CTNNA3: variants seen among roughly 807,000 people sequenced by gnomAD.
The protein encoded by CTNNA3 is catenin alpha 3, also known as catenin alpha-3.
CTNNA3 carries 76 observed loss-of-function variants against 95.7 expected under a neutral mutation model. The observed-to-expected ratio is 0.79, with a 90% CI of 0.66 to 0.96. CTNNA3 has a LOEUF of 0.96. CTNNA3 is among the 40% of genes least tolerant of loss of function. The pLI is 0.00. For synonymous variants in CTNNA3, 431 were observed against 374.4 expected (o/e 1.15, Z -1.74); for missense variants, 1,191 against 1,089.8 (o/e 1.09, Z -1.31).
intron 2 of CTNNA3, among the ~76,000 whole-genome samples, chr10:67,627,772 T>C (rs964163362): frequency 2.0e-5 from 3 of 151,934 alleles, no homozygotes; most frequent in Admixed American, 2.0e-4. Flanking sequence ...CAAACACTGA[T>C]ATAAAACAGT....
intron 12 of CTNNA3, among the ~76,000 whole-genome samples, chr10:66,325,910 GAGA>G (rs1332263102): frequency 1.3e-5 from 2 of 152,038 alleles, no homozygotes; most frequent in African/African-American, 2.4e-5. Context: ...TATTTCATTC[GAGA>G]AGAAGGATTT....
At chr10:67,020,875 G>T (rs1852965690) in intron 7 of CTNNA3, among the ~76,000 whole-genome samples, 1 of 152,132 alleles carries the variant, frequency 6.6e-6, no homozygotes, top group Admixed American at 6.6e-5. Flanking sequence ...ATGCATGGAA[G>T]AGGAAAATAA....
chr10:67,113,301 T>C (rs1410341580), intron 7 of CTNNA3, among the ~76,000 whole-genome samples: 1 of 152,176 alleles, frequency 6.6e-6, no homozygotes, highest in African/African-American at 2.4e-5. Flanking sequence ...TTTTTCTTCC[T>C]AACATCATGC....
At chr10:66,763,591 C>T (rs1378582850) in intron 9 of CTNNA3, among the ~76,000 whole-genome samples, 1 of 152,080 alleles carries the variant, frequency 6.6e-6, no homozygotes, top group Non-Finnish European at 1.5e-5. Context: ...GAGTAGTGAC[C>T]ACAAATACTT....
At chr10:66,440,293 A>C (rs1463397455) in intron 11 of CTNNA3, among the ~76,000 whole-genome samples, 1 of 152,140 alleles carries the variant, frequency 6.6e-6, no homozygotes, top group Admixed American at 6.5e-5. Context: ...TATTTATATA[A>C]ATCAGGGCAT....
At chr10:67,697,857 C>T (rs1026565038), upstream of CTNNA3, among the ~76,000 whole-genome samples, 1 of 152,096 alleles carries the variant, frequency 6.6e-6, no homozygotes, top group Non-Finnish European at 1.5e-5. Context: ...ATTCAAATCA[C>T]GTTGGATTTG....
chr10:66,247,174 C>T (rs2090366752), intron 13 of CTNNA3, among the ~76,000 whole-genome samples: 1 of 152,074 alleles, frequency 6.6e-6, no homozygotes, highest in Admixed American at 6.5e-5. Flanking sequence ...TAGAAAGTAG[C>T]CTCCAAAGGC....
chr10:67,475,210 G>T (rs2133038129), intron 5 of CTNNA3, among the ~76,000 whole-genome samples: 1 of 152,254 alleles, frequency 6.6e-6, no homozygotes, highest in African/African-American at 2.4e-5. Flanking sequence ...GTAACATTCT[G>T]AAAAAAGACA....
At chr10:66,129,659 A>C (rs1385809509) in intron 13 of CTNNA3, among the ~76,000 whole-genome samples, 4 of 152,012 alleles carry the variant, frequency 2.6e-5, no homozygotes, top group Non-Finnish European at 5.9e-5. Flanking sequence ...GCCTGCTTGC[A>C]GTGCAGCCCC....
intron 11 of CTNNA3, among the ~76,000 whole-genome samples, chr10:66,380,943 C>A (rs2092833718): frequency 6.6e-6 from 1 of 151,818 alleles, no homozygotes; most frequent in African/African-American, 2.4e-5. Flanking sequence ...GACTCCCACA[C>A]AATAATAATG....
intron 7 of CTNNA3, among the ~76,000 whole-genome samples, chr10:66,797,113 C>T (rs890979950): frequency 7.3e-5 from 11 of 151,238 alleles, no homozygotes; most frequent in African/African-American, 2.7e-4. Context: ...AAAGAGAAGT[C>T]GATTTGTTGA....
At chr10:67,597,239 C>T (rs1842958645) in intron 3 of CTNNA3, among the ~76,000 whole-genome samples, 1 of 152,164 alleles carries the variant, frequency 6.6e-6, no homozygotes, top group South Asian at 2.1e-4. Flanking sequence ...TCTTGCCATC[C>T]AAATTCTGAA....
intron 14 of CTNNA3, among the ~76,000 whole-genome samples, chr10:66,088,554 T>C (rs1052585130): frequency 2.0e-5 from 3 of 151,076 alleles, no homozygotes; most frequent in Non-Finnish European, 4.4e-5. Context: ...TGAATATCTT[T>C]CTGCAGTTCT....
At chr10:66,071,765 A>G (rs2080439182) in intron 14 of CTNNA3, among the ~76,000 whole-genome samples, 1 of 152,206 alleles carries the variant, frequency 6.6e-6, no homozygotes, top group African/African-American at 2.4e-5. Flanking sequence ...ATGATATGCA[A>G]GAACACACTT....
At chr10:67,332,668 C>G (rs1420733490) in intron 5 of CTNNA3, among the ~76,000 whole-genome samples, 3 of 64,064 alleles carry the variant, frequency 4.7e-5, no homozygotes, top group Non-Finnish European at 6.5e-5. Flanking sequence ...ATCCTGTTAG[C>G]CTATATCTAT....
intron 11 of CTNNA3, among the ~76,000 whole-genome samples, chr10:66,479,980 C>A (rs201468920): frequency 9.9e-6 from 1 of 100,532 alleles, no homozygotes; most frequent in Admixed American, 9.7e-5. Context: ...ACACACACAC[C>A]CCAGAACTTT....
chr10:65,927,006 T>C (rs1176363377), intron 17 of CTNNA3, among the ~76,000 whole-genome samples: 1 of 152,170 alleles, frequency 6.6e-6, no homozygotes, highest in East Asian at 1.9e-4. Flanking sequence ...TATGAAAGCA[T>C]ATCATCTATG....
intron 12 of CTNNA3, among the ~76,000 whole-genome samples, chr10:66,329,981 T>G (rs2092304942): frequency 6.6e-6 from 1 of 152,086 alleles, no homozygotes; most frequent in African/African-American, 2.4e-5. Context: ...CTTGGTTAAA[T>G]GGGACATGAT....
chr10:67,064,250 T>C (rs150367211), intron 7 of CTNNA3, among the ~76,000 whole-genome samples: 37 of 152,304 alleles, frequency 2.4e-4, no homozygotes, highest in African/African-American at 8.9e-4. Context: ...CTCTGAAGTC[T>C]TGGGTTACTG....
Sources: gnomAD v4.1 joint callset for allele counts (sites outside exome capture counted in the v4.1 genomes callset) on GRCh38, gnomAD v4.1.1 for gene constraint, MANE v1.5 for transcripts, NCBI Gene and HGNC (gene_info 2026-07-23, HGNC 2026-07-21) for gene names.